The following BCHE variants were observed in gnomAD, a reference collection of about 807,000 sequenced individuals.
BCHE encodes cholinesterase.
Under a neutral mutation model 51.3 loss-of-function variants are expected in BCHE, and 48 were observed. That is an observed-to-expected ratio of 0.94 (90% CI 0.74 to 1.19). The LOEUF is 1.19. Among genes scored for constraint, BCHE ranks in the 50% most tolerant of loss-of-function variants. BCHE has a pLI of 0.00. For missense variants in BCHE, 847 were observed against 708.2 expected, an observed-to-expected ratio of 1.20 and a Z score of -2.23; for synonymous variants, 251 against 238.0, an observed-to-expected ratio of 1.05 and a Z score of -0.50.
chr3:165,803,266 A>C (rs889415383), intron 2 of BCHE, among the ~76,000 whole-genome samples: 2 of 152,206 alleles, frequency 1.3e-5, no homozygotes, highest in Non-Finnish European at 2.9e-5. Context: ...CCATCTTTTT[A>C]GAGCTTACAT....
intron 2 of BCHE, among the ~76,000 whole-genome samples, chr3:165,824,188 AAAC>A (rs539549974): frequency 1.2e-3 from 179 of 151,702 alleles, no homozygotes; most frequent in African/African-American, 4.1e-3. Flanking sequence ...TATTATTAGA[AAAC>A]AATATAAAAA....
intron 3 of BCHE, among the ~76,000 whole-genome samples, chr3:165,775,282 A>T (rs1048740648): frequency 6.6e-6 from 1 of 151,960 alleles, no homozygotes. Context: ...ATGCTTGGAC[A>T]TTGGAAAAAT....
chr3:165,802,837 G>A (rs1330319819), intron 2 of BCHE, among the ~76,000 whole-genome samples: 3 of 152,058 alleles, frequency 2.0e-5, no homozygotes, highest in Non-Finnish European at 4.4e-5. Context: ...CGCCTCCCGG[G>A]TTCACGCCAT....
chr3:165,833,492 A>T (rs1314763198), intron 1 of BCHE, among the ~76,000 whole-genome samples: 2 of 152,150 alleles, frequency 1.3e-5, no homozygotes, highest in Non-Finnish European at 2.9e-5. Context: ...TGTGTATGTA[A>T]ACAGAGAAAA....
intron 2 of BCHE, among the ~76,000 whole-genome samples, chr3:165,797,700 C>T (rs1001111744): frequency 6.6e-6 from 1 of 151,970 alleles, no homozygotes; most frequent in African/African-American, 2.4e-5. Flanking sequence ...CAAATTCTAT[C>T]GGTTTTGCTC....
chr3:165,817,606 C>A (rs1415799819), intron 2 of BCHE, among the ~76,000 whole-genome samples: 1 of 152,020 alleles, frequency 6.6e-6, no homozygotes, highest in Admixed American at 6.6e-5. Context: ...GAAAATTTTT[C>A]CCCAGATATT....
intron 2 of BCHE, among the ~76,000 whole-genome samples, chr3:165,820,848 C>T (rs570146025): frequency 5.3e-5 from 8 of 152,066 alleles, no homozygotes; most frequent in African/African-American, 1.9e-4. Context: ...TTTAAAATTA[C>T]AAGTTTACAA....
At position 165,830,827 on chromosome 3, in the gene BCHE, A is replaced by T. The variant is rs1162361889; in HGVS notation, c.207T>A (p.Leu69=). Residue 69 remains leucine (L), a synonymous_variant, in exon 2 of 4, where the codon CTT becomes CTA. Transcript: ENST00000264381. The part of the protein sequence containing the change: ...IPYAQPPLGR[L]RFKKPQSLTK... ...TCAGAGACTGTGGCTTTTTGAATCG[A>T]AGTCTACCAAGAGGTGGCTGTGCAT... 1 of 1,613,744 alleles carries T rather than the reference A, an allele frequency of 6.2e-7. No homozygotes were observed. The highest frequency in any genetic ancestry group is 8.5e-7 in the Non-Finnish European group (1 of 1,179,912).
chr3:165,837,292 G>A, intron 1 of BCHE, 22 bp downstream of exon 1: 1 of 1,258,904 alleles, frequency 7.9e-7, no homozygotes, highest in Non-Finnish European at 1.0e-6. Flanking sequence ...CTACACGAAG[G>A]TGTAAATTCA....
intron 3 of BCHE, among the ~76,000 whole-genome samples, chr3:165,783,286 A>G (rs1046079029): frequency 2.6e-5 from 4 of 151,856 alleles, no homozygotes; most frequent in African/African-American, 9.7e-5. Context: ...GTAAGAACAT[A>G]GAGTGAACTA....
At chr3:165,787,721 T>G (rs567440429) in intron 2 of BCHE, among the ~76,000 whole-genome samples, 2 of 152,070 alleles carry the variant, frequency 1.3e-5, no homozygotes, top group East Asian at 3.9e-4. Context: ...CAATTGAATA[T>G]ATGGACTTAG....
chr3:165,833,698 A>G (rs1402500325), intron 1 of BCHE, among the ~76,000 whole-genome samples: 1 of 152,146 alleles, frequency 6.6e-6, no homozygotes. Context: ...CTACTGCTTC[A>G]GTTCTTTTTT....
intron 2 of BCHE, among the ~76,000 whole-genome samples, chr3:165,806,308 C>T (rs962748925): frequency 6.6e-6 from 1 of 152,122 alleles, no homozygotes; most frequent in Non-Finnish European, 1.5e-5. Flanking sequence ...ACTGTTTCAT[C>T]TTACCCCAAA....
At chr3:165,806,082 C>T (rs553856913) in intron 2 of BCHE, among the ~76,000 whole-genome samples, 2 of 152,208 alleles carry the variant, frequency 1.3e-5, no homozygotes, top group South Asian at 4.1e-4. Flanking sequence ...ATTCTCTCTT[C>T]TGCACACAAA....
chr3:165,832,396 G>T (rs1715022640), intron 1 of BCHE, among the ~76,000 whole-genome samples: 1 of 151,958 alleles, frequency 6.6e-6, no homozygotes, highest in Non-Finnish European at 1.5e-5. Flanking sequence ...GGGCTCAAGT[G>T]ATTCTTCTGC....
chr3:165,774,320 C>T (rs906235154), intron 3 of BCHE, among the ~76,000 whole-genome samples: 1 of 151,524 alleles, frequency 6.6e-6, no homozygotes, highest in African/African-American at 2.4e-5. Flanking sequence ...TATTATAATA[C>T]AATGTTTTAT....
At chr3:165,810,885 G>A (rs540050216) in intron 2 of BCHE, among the ~76,000 whole-genome samples, 1 of 152,198 alleles carries the variant, frequency 6.6e-6, no homozygotes, top group Non-Finnish European at 1.5e-5. Context: ...TAAAACTGAT[G>A]GGGAACTTTT....
At chr3:165,827,262 C>A (rs1189398752) in intron 2 of BCHE, among the ~76,000 whole-genome samples, 1 of 152,056 alleles carries the variant, frequency 6.6e-6, no homozygotes, top group Non-Finnish European at 1.5e-5. Context: ...CTCTGTTCAA[C>A]TGTGCAAATA....
chr3:165,784,153 C>T (rs1712815905), intron 3 of BCHE, among the ~76,000 whole-genome samples: 1 of 151,644 alleles, frequency 6.6e-6, no homozygotes, highest in Non-Finnish European at 1.5e-5. Flanking sequence ...AAACTTTAGC[C>T]CAGGTCATCT....
Sources: allele counts gnomAD v4.1 joint callset (sites outside exome capture counted in the v4.1 genomes callset), GRCh38; gene constraint gnomAD v4.1.1; transcripts MANE v1.5; gene names NCBI Gene and HGNC (gene_info 2026-07-23, HGNC 2026-07-21).